The following ADCY3 variants were observed in gnomAD, a reference collection of about 807,000 sequenced individuals.
ADCY3 encodes adenylate cyclase type 3.
A neutral mutation model predicts 119.4 loss-of-function variants in ADCY3; 70 were observed. The observed-to-expected ratio is 0.59, with a 90% confidence interval of 0.48 to 0.72. ADCY3 has a LOEUF of 0.72. ADCY3 is among the 30% of genes least tolerant of loss of function. The probability of loss-of-function intolerance (pLI) is 0.00; values close to 1 mark genes in which losing one functional copy is unlikely to be tolerated. For synonymous variants in ADCY3, 672 were observed against 621.4 expected, an observed-to-expected ratio of 1.08 and a Z score of -1.21; for missense variants, 1,238 against 1,541.6, an observed-to-expected ratio of 0.80 and a Z score of 3.30.
At chr2:24,845,413 G>A (rs1671549444) in intron 3 of ADCY3, among the ~76,000 whole-genome samples, 1 of 152,212 alleles carries the variant, frequency 6.6e-6, no homozygotes, top group South Asian at 2.1e-4. Context: ...GGAACTTGTT[G>A]GGAACTGGAG....
rs539337576 is a variant in ADCY3, at chr2:24,908,670, T to C, written c.675+9643A>G. ...CACAGTCACACTCCCGTGCCCTTGTTTGCCAGTTAGAACTGTGGGAAGCAG... is the reference window on the plus strand; with the variant it reads ...CACAGTCACACTCCCGTGCCCTTGTCTGCCAGTTAGAACTGTGGGAAGCAG... On this transcript the variant is annotated intron_variant, in intron 2 of 21. Coordinates refer to ENST00000679454, the MANE Select transcript of ADCY3 (RefSeq NM_004036.5). Among the ~76,000 whole-genome samples the C allele has an allele frequency of 2.6e-5, 4 of 152,330 alleles. No individual in the cohort carries two copies. In the East Asian group the frequency reaches 7.7e-4, roughly 29 times the overall value.
intron 6 of ADCY3, 147 bp from the exon 7 acceptor site, chr2:24,840,178 G>T (rs527993120): frequency 8.9e-6 from 10 of 1,123,208 alleles, no homozygotes; most frequent in African/African-American, 3.2e-5. Flanking sequence ...GGTGTTGGGT[G>T]GGGGGTAAGG....
In ADCY3 at chr2:24,836,849, C is replaced by T. The variant is rs901156599; in HGVS notation, c.1662+68G>A. 133 of 1,539,960 alleles carry T rather than the reference C, an allele frequency of 8.6e-5. 1 individual carries two copies. Among genetic ancestry groups the T allele is most frequent in the East Asian group, 5.9e-4 (26 of 44,030 alleles). ...CAGCACAGGACTCCTGCTGCAGGAA[C>T]GTATTGCTTCCTGGTGCCTGCCCGC... On this transcript the variant is annotated intron_variant, in intron 9 of 21. Coordinates refer to ENST00000679454, the MANE Select transcript of ADCY3 (RefSeq NM_004036.5).
At chr2:24,831,941 G>GCC (rs70947849) in intron 11 of ADCY3, among the ~76,000 whole-genome samples, 192 bp from the exon 12 acceptor site, 31 of 124,936 alleles carry the variant, frequency 2.5e-4, no homozygotes, top group East Asian at 8.0e-4. Context: ...GTGGCCAGGG[G>GCC]ACAGCAGACA....
At chr2:24,832,729 G>A (rs912778664) in intron 11 of ADCY3, among the ~76,000 whole-genome samples, 1 of 152,182 alleles carries the variant, frequency 6.6e-6, no homozygotes, top group African/African-American at 2.4e-5. Context: ...CCTGCATGCT[G>A]GTGATGCCAG....
At chr2:24,871,009 G>A (rs939325628) in intron 3 of ADCY3, among the ~76,000 whole-genome samples, 2 of 152,178 alleles carry the variant, frequency 1.3e-5, no homozygotes, top group African/African-American at 4.8e-5. Context: ...AGACGGTTCA[G>A]TGTGAGTTAA....
intron 2 of ADCY3, among the ~76,000 whole-genome samples, chr2:24,916,028 C>T (rs1034239984): frequency 1.3e-5 from 2 of 152,224 alleles, no homozygotes; most frequent in Admixed American, 6.5e-5. Context: ...GGCTCCCAAT[C>T]GGACCTTGAG....
chr2:24,829,711 T>C (rs7573439), intron 13 of ADCY3, among the ~76,000 whole-genome samples: 9,450 of 145,694 alleles, frequency 0.065, 536 homozygotes, highest in African/African-American at 0.12. Context: ...CGTGAGCCAC[T>C]GCGCCCGGCA....
chr2:24,862,008 A>C (rs1410598594), intron 3 of ADCY3, among the ~76,000 whole-genome samples: 1 of 152,250 alleles, frequency 6.6e-6, no homozygotes, highest in Non-Finnish European at 1.5e-5. Context: ...TAAAGTACCA[A>C]CACCACACAG....
intron 2 of ADCY3, among the ~76,000 whole-genome samples, chr2:24,916,464 A>G (rs1322858757): frequency 6.6e-6 from 1 of 152,212 alleles, no homozygotes; most frequent in Non-Finnish European, 1.5e-5. Flanking sequence ...CGGGCGGATT[A>G]TGAGGTCAAG....
At position 24,878,350 on chromosome 2, in the gene ADCY3, G is replaced by T. The variant is rs1295385950; in HGVS notation, c.676-5631C>A. Among the ~76,000 whole-genome samples, 1 of 152,048 alleles carries T rather than the reference G, an allele frequency of 6.6e-6. No individual in the cohort carries two copies. The highest frequency in any genetic ancestry group is 2.4e-5 in the African/African-American group (1 of 41,390). The stretch of plus-strand genomic sequence containing the variant: ...TTGCTAACAACCCGTAGGGAAATGG[G>T]GCTGCTCTAAGTGGGACTGTCGAGT... On this transcript the variant is annotated intron_variant, in intron 2 of 21. Coordinates refer to ENST00000679454, the MANE Select transcript of ADCY3 (RefSeq NM_004036.5). The surrounding 1 kb of genome is among the most constrained non-coding windows in gnomAD (Gnocchi z 4.0).
At chr2:24,888,191 C>A (rs1360965530) in intron 2 of ADCY3, among the ~76,000 whole-genome samples, 1 of 152,236 alleles carries the variant, frequency 6.6e-6, no homozygotes, top group East Asian at 1.9e-4. Context: ...CACAACAGCT[C>A]TCAAGTAAGT....
In ADCY3 at chr2:24,899,361, C is replaced by T. The variant is rs1028070742; in HGVS notation, c.675+18952G>A. On this transcript the variant is annotated intron_variant, in intron 2 of 21. Coordinates refer to ENST00000679454, the MANE Select transcript of ADCY3 (RefSeq NM_004036.5). This position sits in a 1 kb window ranked among gnomAD's most constrained non-coding sequence, Gnocchi z 4.5. ...TCCCAATAAATAAACCATTCTCTTGCGACCAAAGCCCATGTCTGTCTAAGA... is the reference window on the plus strand; with the variant it reads ...TCCCAATAAATAAACCATTCTCTTGTGACCAAAGCCCATGTCTGTCTAAGA... 6.6e-6 allele frequency among the ~76,000 whole-genome samples: 1 copy of T among 152,222 alleles called. No homozygotes were observed. Among genetic ancestry groups the T allele is most frequent in the Non-Finnish European group, 1.5e-5 (1 of 68,034 alleles).
At chr2:24,893,098 A>G (rs956674819) in intron 2 of ADCY3, among the ~76,000 whole-genome samples, 1 of 149,508 alleles carries the variant, frequency 6.7e-6, no homozygotes, top group African/African-American at 2.5e-5. Flanking sequence ...CAGTTGTGCA[A>G]TCACAGCTCA....
chr2:24,835,468 G>A (rs995682769), intron 9 of ADCY3, among the ~76,000 whole-genome samples: 4 of 152,300 alleles, frequency 2.6e-5, no homozygotes, highest in Middle Eastern at 3.4e-3. Context: ...GACAAGGGGC[G>A]GGTAGGTGGA....
intron 3 of ADCY3, among the ~76,000 whole-genome samples, chr2:24,859,279 C>T (rs555043973): frequency 6.6e-5 from 10 of 152,306 alleles, no homozygotes; most frequent in Admixed American, 5.2e-4. Flanking sequence ...ACGAGCAAGA[C>T]GCAGAGCAGC....
chr2:24,908,668 G>C (rs1336956895), intron 2 of ADCY3, among the ~76,000 whole-genome samples: 1 of 151,994 alleles, frequency 6.6e-6, no homozygotes, highest in African/African-American at 2.4e-5. Context: ...CCGTGCCCTT[G>C]TTTGCCAGTT....
chr2:24,919,910 A>C lies in ADCY3; in HGVS notation c.-425T>G, dbSNP rs915751579. On this transcript the variant is annotated 5_prime_UTR_variant, in exon 1 of 22. Transcript: ENST00000679454. The surrounding 1 kb of genome is among the most constrained non-coding windows in gnomAD (Gnocchi z 5.5). ...GCGCCCGGCCGCAGGGGGAAGGAGG[A>C]GGCGGCGACGAGGGCTGGGAGATCC... The C allele has an allele frequency of 1.3e-5, 2 of 150,296 alleles. No homozygotes were observed. The highest frequency in any genetic ancestry group is 4.9e-5 in the African/African-American group (2 of 41,148). The allele number at this position is 150,296 out of a possible 1,614,324, so 9.3% of individuals were successfully genotyped here.
At chr2:24,825,349 T>C (rs1379368033) in intron 16 of ADCY3, among the ~76,000 whole-genome samples, 1 of 83,850 alleles carries the variant, frequency 1.2e-5, no homozygotes, top group African/African-American at 6.6e-5. Flanking sequence ...GGGGGGGGGG[T>C]GCGGGGGGGG....
Sources: gnomAD v4.1 joint callset for allele counts (sites outside exome capture counted in the v4.1 genomes callset) on GRCh38, gnomAD v4.1.1 for gene constraint, Gnocchi (gnomAD v3.1) non-coding constraint, MANE v1.5 for transcripts, NCBI Gene and HGNC (gene_info 2026-07-23, HGNC 2026-07-21) for gene names.